CTNNA2: variants seen among roughly 807,000 people sequenced by gnomAD.
CTNNA2 encodes catenin alpha-2.
Under a neutral mutation model 101.0 loss-of-function variants are expected in CTNNA2, and 42 were observed. The observed-to-expected ratio is 0.42, with a 90% CI of 0.32 to 0.54. The LOEUF (loss-of-function observed/expected upper bound fraction) is 0.54. Among genes scored for constraint, CTNNA2 ranks in the 20% least tolerant of loss-of-function variants. The pLI is 0.14. For synonymous variants in CTNNA2, 450 were observed against 456.4 expected, an observed-to-expected ratio of 0.99 and a Z score of 0.18; for missense variants, 871 against 1,223.1, an observed-to-expected ratio of 0.71 and a Z score of 4.29.
intron 7 of CTNNA2, among the ~76,000 whole-genome samples, chr2:80,023,635 C>T (rs1694726681): frequency 6.6e-6 from 1 of 152,152 alleles, no homozygotes; most frequent in African/African-American, 2.4e-5. Context: ...CACAGTAACT[C>T]TTTATGGTAT....
At chr2:79,785,126 T>G (rs1001288603) in intron 3 of CTNNA2, among the ~76,000 whole-genome samples, 1 of 152,208 alleles carries the variant, frequency 6.6e-6, no homozygotes, top group African/African-American at 2.4e-5. Context: ...TCTGCCACCA[T>G]GCTCTCCTCA....
At chr2:80,634,073 C>T (rs982009834) in intron 18 of CTNNA2, among the ~76,000 whole-genome samples, 2 of 152,162 alleles carry the variant, frequency 1.3e-5, no homozygotes, top group South Asian at 2.1e-4. Context: ...AAGCCTTTCA[C>T]GTCCTATTTC....
chr2:80,031,518 A>G (rs954974987), intron 7 of CTNNA2, among the ~76,000 whole-genome samples: 2 of 152,210 alleles, frequency 1.3e-5, no homozygotes, highest in East Asian at 1.9e-4. Flanking sequence ...CTTATTTACT[A>G]TCGTGAGAAC....
At chr2:80,375,277 C>T (rs780584007) in intron 7 of CTNNA2, among the ~76,000 whole-genome samples, 19 of 151,990 alleles carry the variant, frequency 1.3e-4, no homozygotes, top group Non-Finnish European at 2.2e-4. Flanking sequence ...GGGAAAAGGG[C>T]CTCCCCAGGA....
intron 1 of CTNNA2, among the ~76,000 whole-genome samples, chr2:79,188,424 T>A (rs1418212799): frequency 6.6e-6 from 1 of 152,180 alleles, no homozygotes; most frequent in East Asian, 1.9e-4. Context: ...AAGTGTCACC[T>A]GGGGCACTTC....
chr2:80,100,337 T>C (rs1700467181), intron 7 of CTNNA2, among the ~76,000 whole-genome samples: 1 of 152,196 alleles, frequency 6.6e-6, no homozygotes, highest in Non-Finnish European at 1.5e-5. Context: ...CTTCAAATAC[T>C]GCTTTCGTTC....
chr2:79,321,655 C>A (rs774195683), intron 3 of CTNNA2, among the ~76,000 whole-genome samples: 2 of 152,100 alleles, frequency 1.3e-5, no homozygotes, highest in Non-Finnish European at 2.9e-5. Flanking sequence ...ATTTTATGAT[C>A]TTAGTGTTAC....
At chr2:79,903,972 G>A (rs1444374834) in intron 6 of CTNNA2, among the ~76,000 whole-genome samples, 1 of 152,090 alleles carries the variant, frequency 6.6e-6, no homozygotes, top group African/African-American at 2.4e-5. Context: ...AGTGGCTTGG[G>A]GCCCCTCTAT....
intron 9 of CTNNA2, among the ~76,000 whole-genome samples, chr2:80,448,918 G>A (rs1182768459): frequency 6.6e-6 from 1 of 151,936 alleles, no homozygotes; most frequent in Non-Finnish European, 1.5e-5. Context: ...AATTTGAAAG[G>A]CAATTCTTAA....
At chr2:80,103,667 C>G (rs1443365271) in intron 7 of CTNNA2, among the ~76,000 whole-genome samples, 1 of 150,934 alleles carries the variant, frequency 6.6e-6, no homozygotes, top group Admixed American at 6.6e-5. Context: ...GTGCACACAC[C>G]TGAGTGAGTT....
chr2:80,574,761 A>G (rs1477431062), intron 13 of CTNNA2, among the ~76,000 whole-genome samples: 1 of 152,176 alleles, frequency 6.6e-6, no homozygotes, highest in African/African-American at 2.4e-5. Flanking sequence ...TCTTTGTATA[A>G]AAATAATTCA....
In CTNNA2 at chr2:80,032,874, C is replaced by T. The variant is rs573375947; in HGVS notation, c.1056+123077C>T. Among the ~76,000 whole-genome samples the T allele has an allele frequency of 1.3e-3, 196 of 152,130 alleles. 1 individual carries two copies. The highest frequency in any genetic ancestry group is 4.4e-3 in the African/African-American group (182 of 41,506). ...CCATGTGCTTGGACAAGATAACGAC[C>T]GGGCGCAGTGGCTCATGCCTGTAAT... On this transcript the variant is annotated intron_variant, in intron 7 of 18. Transcript: ENST00000402739.
intron 7 of CTNNA2, among the ~76,000 whole-genome samples, chr2:79,910,335 GTC>G (rs1685699390): frequency 6.6e-6 from 1 of 152,138 alleles, no homozygotes; most frequent in Non-Finnish European, 1.5e-5. Context: ...ATAAGAGTGA[GTC>G]TCTTAAGTTT....
intron 7 of CTNNA2, among the ~76,000 whole-genome samples, chr2:80,221,517 G>A (rs1210254492): frequency 2.6e-5 from 4 of 152,186 alleles, no homozygotes; most frequent in Non-Finnish European, 5.9e-5. Flanking sequence ...TAAGTGAAAG[G>A]TGATTTACCA....
intron 1 of CTNNA2, among the ~76,000 whole-genome samples, chr2:79,631,657 T>C (rs940418397): frequency 6.6e-6 from 1 of 152,192 alleles, no homozygotes; most frequent in Non-Finnish European, 1.5e-5. Flanking sequence ...ACTGGAATAA[T>C]ATTTGCAACA....
At chr2:79,982,263 CAT>C (rs1391338983) in intron 7 of CTNNA2, among the ~76,000 whole-genome samples, 4 of 89,720 alleles carry the variant, frequency 4.5e-5, no homozygotes, top group Non-Finnish European at 9.3e-5. Flanking sequence ...TACACACACA[CAT>C]AACATATATA....
At chr2:80,249,615 T>C (rs1671599766) in intron 7 of CTNNA2, among the ~76,000 whole-genome samples, 1 of 152,208 alleles carries the variant, frequency 6.6e-6, no homozygotes, top group South Asian at 2.1e-4. Flanking sequence ...GTGGGTTTGA[T>C]AGGTGGCTCA....
At chr2:79,861,955 T>C (rs1008739225) in intron 4 of CTNNA2, among the ~76,000 whole-genome samples, 12 of 152,200 alleles carry the variant, frequency 7.9e-5, no homozygotes, top group Non-Finnish European at 1.3e-4. Context: ...TCAGTTCACA[T>C]TGTCAGTGTG....
In CTNNA2 at chr2:80,303,689, C is replaced by T. The variant is rs758083765; in HGVS notation, c.1057-89522C>T. 14 of 1,610,584 alleles carry T rather than the reference C, an allele frequency of 8.7e-6. No individual in the cohort carries two copies. The highest frequency in any genetic ancestry group is 1.1e-5 in the Non-Finnish European group (13 of 1,178,020). ...GCAGTACAGCAGCCGCCCCTCGCACCGGCACAGCTGCGGGCACCCGCTGGG... is the reference window on the plus strand; with the variant it reads ...GCAGTACAGCAGCCGCCCCTCGCACTGGCACAGCTGCGGGCACCCGCTGGG... On this transcript the variant is annotated intron_variant, in intron 7 of 18. Transcript: ENST00000402739. The surrounding 1 kb of genome is among the most constrained non-coding windows in gnomAD (Gnocchi z 7.7).
Sources: gnomAD v4.1 joint callset for allele counts (sites outside exome capture counted in the v4.1 genomes callset) on GRCh38, gnomAD v4.1.1 for gene constraint, Gnocchi (gnomAD v3.1) non-coding constraint, MANE v1.5 for transcripts, NCBI Gene and HGNC (gene_info 2026-07-23, HGNC 2026-07-21) for gene names.